DCAF8L2: variants seen among roughly 807,000 people sequenced by gnomAD.
DCAF8L2 encodes DDB1 and CUL4 associated factor 8 like 2, also known as DDB1- and CUL4-associated factor 8-like protein 2.
For missense variants in DCAF8L2, 430 were observed against 490.7 expected, an observed-to-expected ratio of 0.88 and a Z score of 1.17; for synonymous variants, 200 against 190.9, an observed-to-expected ratio of 1.05 and a Z score of -0.39.
At chrX:27,538,410 T>C in the DCAF8L2 span, among the ~76,000 whole-genome samples, 2 of 110,690 alleles carry the variant, frequency 1.8e-5, no homozygotes, top group African/African-American at 6.6e-5. Context: ...TATTTATTTA[T>C]TGAGATGGAG....
intron 3 of DCAF8L2, among the ~76,000 whole-genome samples, chrX:27,709,081 G>A (rs756305474): frequency 1.1e-4 from 12 of 111,566 alleles, no homozygotes; most frequent in Non-Finnish European, 1.5e-4. Flanking sequence ...CACCACGCCC[G>A]GCTAATTTGG....
At chrX:27,586,412 G>A (rs186937833), upstream of DCAF8L2, among the ~76,000 whole-genome samples, 538 of 111,220 alleles carry the variant, frequency 4.8e-3, 3 homozygotes, top group Non-Finnish European at 7.5e-3. Context: ...AAGTTGATGC[G>A]AATGTGGTTG....
At chrX:27,498,468 T>A in the DCAF8L2 span, among the ~76,000 whole-genome samples, 2 of 112,739 alleles carry the variant, frequency 1.8e-5, no homozygotes, top group Non-Finnish European at 3.7e-5. Flanking sequence ...GTGTACAACA[T>A]GATGTTTTGC....
At chrX:27,550,995 C>T in the DCAF8L2 span, among the ~76,000 whole-genome samples, 1 of 110,037 alleles carries the variant, frequency 9.1e-6, no homozygotes, top group African/African-American at 3.3e-5. Context: ...GATCATTTGT[C>T]TTTGATGTTA....
chrX:27,730,703 C>T (rs1235352231), intron 4 of DCAF8L2, among the ~76,000 whole-genome samples: 1 of 96,313 alleles, frequency 1.0e-5, no homozygotes, highest in African/African-American at 4.0e-5. Context: ...CAGCTGCGCA[C>T]AGCCACATAT....
the DCAF8L2 span, chrX:27,519,356 C>T: frequency 7.0e-6 from 8 of 1,146,854 alleles, no homozygotes; most frequent in Non-Finnish European, 8.3e-6. Context: ...GAGGCGAAGT[C>T]TGCCGTAGCA....
At chrX:27,556,777 T>A in the DCAF8L2 span, among the ~76,000 whole-genome samples, 1 of 112,094 alleles carries the variant, frequency 8.9e-6, no homozygotes, top group East Asian at 2.8e-4. Flanking sequence ...GAAAATAACA[T>A]CAGCTCCAGA....
At chrX:27,615,170 G>T (rs1927399075) in intron 1 of DCAF8L2, among the ~76,000 whole-genome samples, 1 of 111,478 alleles carries the variant, frequency 9.0e-6, no homozygotes, top group Non-Finnish European at 1.9e-5. Context: ...ACTCTAAAAA[G>T]GAATTAATGA....
intron 2 of DCAF8L2, chrX:27,633,049 T>C (rs768258006): frequency 2.7e-5 from 3 of 112,151 alleles, no homozygotes; most frequent in Non-Finnish European, 5.6e-5. Flanking sequence ...TAAAAGTGTA[T>C]ATGTATGCAT....
the DCAF8L2 span, among the ~76,000 whole-genome samples, chrX:27,501,299 G>A: frequency 1.1e-3 from 122 of 106,533 alleles, no homozygotes; most frequent in Non-Finnish European, 2.1e-3. Flanking sequence ...GTGTGTGTGT[G>A]TGTGTGTTGC....
chrX:27,676,242 G>A (rs1359550685), intron 2 of DCAF8L2, among the ~76,000 whole-genome samples: 1 of 111,128 alleles, frequency 9.0e-6, no homozygotes, highest in African/African-American at 3.3e-5. Context: ...CTGAGGCAGG[G>A]AAATCCAAAT....
At chrX:27,535,073 A>G in the DCAF8L2 span, among the ~76,000 whole-genome samples, 1 of 112,278 alleles carries the variant, frequency 8.9e-6, no homozygotes, top group East Asian at 2.8e-4. Flanking sequence ...TAGTCTTTAC[A>G]CTAACATTCA....
At chrX:27,583,415 G>T in the DCAF8L2 span, among the ~76,000 whole-genome samples, 1 of 111,241 alleles carries the variant, frequency 9.0e-6, no homozygotes, top group Admixed American at 9.6e-5. Flanking sequence ...GTTGTGGGAT[G>T]GTGTTTAGAA....
chrX:27,516,995 A>G, the DCAF8L2 span, among the ~76,000 whole-genome samples: 36 of 112,026 alleles, frequency 3.2e-4, 2 homozygotes, highest in Admixed American at 1.9e-3. Context: ...CTAGGGAACT[A>G]CTACTGCTGT....
chrX:27,568,946 AAC>A, the DCAF8L2 span, among the ~76,000 whole-genome samples: 4,055 of 86,339 alleles, frequency 0.047, 113 homozygotes, highest in African/African-American at 0.077. Flanking sequence ...TTGGAACTCA[AAC>A]ACACACACAC....
intron 3 of DCAF8L2, among the ~76,000 whole-genome samples, chrX:27,683,953 C>T (rs941453573): frequency 2.7e-5 from 3 of 112,449 alleles, no homozygotes; most frequent in Admixed American, 9.4e-5. Context: ...CTATGTCTAA[C>T]TTAGGATACA....
At chrX:27,668,209 A>G (rs1569176962) in intron 2 of DCAF8L2, among the ~76,000 whole-genome samples, 1 of 111,950 alleles carries the variant, frequency 8.9e-6, no homozygotes, top group Non-Finnish European at 1.9e-5. Context: ...AAAAAATGAA[A>G]TAAGACTTAA....
intron 4 of DCAF8L2, among the ~76,000 whole-genome samples, chrX:27,728,078 C>G (rs1050728985): frequency 9.0e-6 from 1 of 111,617 alleles, no homozygotes; most frequent in Non-Finnish European, 1.9e-5. Context: ...CTCACACCTC[C>G]TGCTTTGGGC....
chrX:27,709,734 C>A (rs911960601), intron 3 of DCAF8L2, among the ~76,000 whole-genome samples: 4 of 109,954 alleles, frequency 3.6e-5, no homozygotes, highest in Non-Finnish European at 7.7e-5. Context: ...TCATGGGGGC[C>A]AAAATCTTGT....
Sources: allele counts gnomAD v4.1 joint callset (sites outside exome capture counted in the v4.1 genomes callset), GRCh38; gene constraint gnomAD v4.1.1; transcripts MANE v1.5; gene names NCBI Gene and HGNC (gene_info 2026-07-23, HGNC 2026-07-21).